The following MAP2 variants were observed in gnomAD, a reference collection of about 807,000 sequenced individuals.
MAP2 encodes microtubule-associated protein 2.
In MAP2, 14 loss-of-function variants were observed where a neutral mutation model predicts 137.6. That is an observed-to-expected ratio of 0.10 (90% confidence interval 0.07 to 0.16). The LOEUF (loss-of-function observed/expected upper bound fraction) is 0.16, where lower values mean the gene tolerates loss of function less well. Among genes scored for constraint, MAP2 ranks in the 10% least tolerant of loss-of-function variants. The probability of loss-of-function intolerance (pLI) is 1.00; values close to 1 mark genes in which losing one functional copy is unlikely to be tolerated. For synonymous variants in MAP2, 786 were observed against 782.3 expected, an observed-to-expected ratio of 1.00 and a Z score of -0.08; for missense variants, 2,088 against 2,191.5, an observed-to-expected ratio of 0.95 and a Z score of 0.94.
chr2:209,649,410 G>A (rs186762508), intron 4 of MAP2, among the ~76,000 whole-genome samples: 1 of 152,202 alleles, frequency 6.6e-6, no homozygotes, highest in African/African-American at 2.4e-5. Context: ...GAAGGCTATG[G>A]TACTTTTAAC....
At chr2:209,565,687 C>T (rs74352673) in intron 2 of MAP2, among the ~76,000 whole-genome samples, 3,002 of 152,142 alleles carry the variant, frequency 0.02, 96 homozygotes, top group African/African-American at 0.068. Context: ...TCTCTGAGGC[C>T]GTTAGCTCTT....
chr2:209,680,688 C>T lies in MAP2; in HGVS notation c.377-62C>T, dbSNP rs375488673. The T allele has an allele frequency of 5.3e-5, 73 of 1,384,330 alleles. No homozygotes were observed. In the African/African-American group the frequency reaches 9.4e-4, roughly 18 times the overall value. 85.8% of individuals were successfully genotyped at this position (1,384,330 alleles called of 1,614,324 possible). ...TTTTTACAAATGGCAGAACTTCCTA[C>T]ACATCTACCAGCCTAAAAGGATTAA... On this transcript the variant is annotated intron_variant, in intron 6 of 15. Coordinates refer to ENST00000682079, the MANE Select transcript of MAP2 (RefSeq NM_001375505.1).
chr2:209,512,923 A>G (rs1489967191), intron 2 of MAP2, among the ~76,000 whole-genome samples: 7 of 152,168 alleles, frequency 4.6e-5, no homozygotes, highest in Non-Finnish European at 1.0e-4. Flanking sequence ...ATGAGATTAC[A>G]GGCATGAGAC....
chr2:209,530,215 C>G (rs1331719057), intron 2 of MAP2, among the ~76,000 whole-genome samples: 25 of 152,026 alleles, frequency 1.6e-4, no homozygotes, highest in Non-Finnish European at 1.3e-4. Context: ...CAGAGATGGG[C>G]ATGACCTCTC....
chr2:209,465,591 T>C (rs1264295019), intron 1 of MAP2, among the ~76,000 whole-genome samples: 1 of 152,132 alleles, frequency 6.6e-6, no homozygotes, highest in South Asian at 2.1e-4. Flanking sequence ...TAAAATTCTT[T>C]CCATTCAGTA....
chr2:209,679,335 A>ATAGG (rs1491526562), intron 6 of MAP2, among the ~76,000 whole-genome samples: 1 of 96,492 alleles, frequency 1.0e-5, no homozygotes, highest in Non-Finnish European at 1.9e-5. Flanking sequence ...AGATAGATAG[A>ATAGG]TAGATAGATA....
intron 2 of MAP2, among the ~76,000 whole-genome samples, chr2:209,566,806 G>GT (rs2073522538): frequency 6.6e-6 from 1 of 152,058 alleles, no homozygotes. Context: ...ATGAGTGTCA[G>GT]TTTCTCAAGG....
chr2:209,572,627 T>A (rs1559335288), intron 2 of MAP2, among the ~76,000 whole-genome samples: 1 of 152,116 alleles, frequency 6.6e-6, no homozygotes, highest in Non-Finnish European at 1.5e-5. Flanking sequence ...TTTTTAATCA[T>A]AACAAAACTT....
intron 7 of MAP2, among the ~76,000 whole-genome samples, chr2:209,685,700 C>G (rs1316940929): frequency 6.6e-6 from 1 of 152,062 alleles, no homozygotes; most frequent in Admixed American, 6.6e-5. Context: ...TTTGTTGTTT[C>G]CTGATTAGAG....
At chr2:209,593,634 A>ATATATATATAT (rs1553608278) in intron 3 of MAP2, among the ~76,000 whole-genome samples, 1 of 33,644 alleles carries the variant, frequency 3.0e-5, no homozygotes, top group African/African-American at 1.3e-4. Context: ...AAAAAAAAAA[A>ATATATATATAT]ATATATATAT....
chr2:209,539,064 A>G (rs112758659), intron 2 of MAP2, among the ~76,000 whole-genome samples: 62 of 152,318 alleles, frequency 4.1e-4, no homozygotes, highest in African/African-American at 1.5e-3. Context: ...GCAGAACACA[A>G]TATCATTTCC....
At chr2:209,476,979 T>C (rs577271437) in intron 1 of MAP2, among the ~76,000 whole-genome samples, 1 of 152,326 alleles carries the variant, frequency 6.6e-6, no homozygotes, top group African/African-American at 2.4e-5. Context: ...GAGCTATTTT[T>C]CTTTTTAAAC....
chr2:209,482,406 G>A (rs2057832802), intron 1 of MAP2, among the ~76,000 whole-genome samples: 1 of 152,176 alleles, frequency 6.6e-6, no homozygotes, highest in Non-Finnish European at 1.5e-5. Flanking sequence ...GAAATCCAAT[G>A]TCAGCAGCAT....
intron 2 of MAP2, among the ~76,000 whole-genome samples, chr2:209,556,222 C>T (rs1021479334): frequency 2.0e-5 from 3 of 151,538 alleles, no homozygotes; most frequent in Non-Finnish European, 4.4e-5. Flanking sequence ...TTAAATATTT[C>T]TTGTAGAGAC....
Position 209,556,255 on chromosome 2 carries a change from G to C in MAP2, c.-171-23781G>C, listed in dbSNP as rs1414736287. On this transcript the variant is annotated intron_variant, in intron 2 of 15. Coordinates refer to ENST00000682079, the MANE Select transcript of MAP2 (RefSeq NM_001375505.1). ...GACAGGGTCTTGCCACGTTGTCCAA[G>C]CTGGTATTGAACTCCTGAACTCAAG... 2.0e-5 allele frequency among the ~76,000 whole-genome samples: 3 copies of C among 152,074 alleles called. No individual in the cohort carries two copies. In the East Asian group the frequency reaches 5.8e-4, roughly 30 times the overall value.
At chr2:209,610,745 G>A (rs1315923908) in intron 3 of MAP2, among the ~76,000 whole-genome samples, 2 of 152,090 alleles carry the variant, frequency 1.3e-5, no homozygotes, top group Non-Finnish European at 1.5e-5. Flanking sequence ...AAGGCCATAT[G>A]TTTCCATTAT....
At chr2:209,595,768 T>A (rs1281012748) in intron 3 of MAP2, among the ~76,000 whole-genome samples, 1 of 152,174 alleles carries the variant, frequency 6.6e-6, no homozygotes, top group Non-Finnish European at 1.5e-5. Flanking sequence ...TGGAATACTA[T>A]GCAGCCATAA....
chr2:209,598,336 G>A (rs892931041), intron 3 of MAP2, among the ~76,000 whole-genome samples: 20 of 151,938 alleles, frequency 1.3e-4, no homozygotes, highest in African/African-American at 4.6e-4. Context: ...CTTGAACCCC[G>A]GCACCCAGTG....
At chr2:209,582,614 C>A (rs890252605) in intron 3 of MAP2, among the ~76,000 whole-genome samples, 2 of 151,106 alleles carry the variant, frequency 1.3e-5, no homozygotes, top group Middle Eastern at 3.4e-3. Flanking sequence ...CTTACCAGTC[C>A]ATAATGAGCA....
Sources: gnomAD v4.1 joint callset for allele counts (sites outside exome capture counted in the v4.1 genomes callset) on GRCh38, gnomAD v4.1.1 for gene constraint, MANE v1.5 for transcripts, NCBI Gene and HGNC (gene_info 2026-07-23, HGNC 2026-07-21) for gene names.